Variants in CHRNA10 observed in about 807,000 individuals in gnomAD.
CHRNA10 encodes the protein cholinergic receptor nicotinic alpha 10 subunit.
A neutral mutation model predicts 36.0 loss-of-function variants in CHRNA10; 31 were observed. That is an observed-to-expected ratio of 0.86 (90% CI 0.65 to 1.16). CHRNA10 has a LOEUF of 1.16. Ranked by LOEUF, CHRNA10 falls within the 50% of genes most tolerant of loss-of-function variation. The probability of loss-of-function intolerance (pLI) is 0.00; values close to 1 mark genes in which losing one functional copy is unlikely to be tolerated. For synonymous variants in CHRNA10, 302 were observed against 287.0 expected (o/e 1.05, Z -0.53); for missense variants, 648 against 640.9 (o/e 1.01, Z -0.12).
At chr11:3,670,337 C>T (rs1487561830) in intron 1 of CHRNA10, among the ~76,000 whole-genome samples, 2 of 152,172 alleles carry the variant, frequency 1.3e-5, no homozygotes, top group African/African-American at 2.4e-5. Flanking sequence ...TTCTCCATCT[C>T]GAGCTGGTTT....
rs1469946641 is a variant in CHRNA10, at chr11:3,667,768, G to A, written c.363-4C>T. The A allele has an allele frequency of 6.7e-7, 1 of 1,502,802 alleles. No individual in the cohort carries two copies. The allele number at this position is 1,502,802 out of a possible 1,614,324, so 93.1% of individuals were successfully genotyped here. On this transcript the variant is annotated splice_polypyrimidine_tract_variant and splice_region_variant and intron_variant, in intron 3 of 4. Coordinates refer to ENST00000250699, the MANE Select transcript of CHRNA10 (RefSeq NM_020402.4). ...ACCTGGAGGCTGCGCGTCGGCTCTGGGGGCAGGCGGGGCAGGGCTCACCTA... is the reference window on the plus strand; with the variant it reads ...ACCTGGAGGCTGCGCGTCGGCTCTGAGGGCAGGCGGGGCAGGGCTCACCTA...
chr11:3,670,794 C>T (rs2672216), intron 1 of CHRNA10, among the ~76,000 whole-genome samples: 70,941 of 152,068 alleles, frequency 0.47, 18,408 homozygotes, highest in Admixed American at 0.67. Flanking sequence ...TGCGAAACAT[C>T]GTCTTGAGTC....
intron 4 of CHRNA10, among the ~76,000 whole-genome samples, chr11:3,666,779 C>T (rs1387145694): frequency 1.3e-5 from 2 of 152,130 alleles, no homozygotes; most frequent in African/African-American, 2.4e-5. Context: ...TCTAATTGCT[C>T]CCGTCACTGC....
intron 2 of CHRNA10, 82 bp from the exon 3 acceptor site, chr11:3,669,432 C>T (rs1425535079): frequency 6.6e-7 from 1 of 1,522,918 alleles, no homozygotes; most frequent in Non-Finnish European, 8.9e-7. Context: ...CTGCAGGGCT[C>T]TGGTCAGCAC....
chr11:3,667,297 G>A lies in CHRNA10; in HGVS notation c.830C>T (p.Ala277Val), dbSNP rs765656579. 2.5e-6 allele frequency: 4 copies of A among 1,598,602 alleles called. No individual in the cohort carries two copies. Among genetic ancestry groups the A allele is most frequent in the South Asian group, 2.2e-5 (2 of 90,852 alleles). The change falls in exon 4 of 5, where the codon GCG becomes GTG. Residue 277 changes from alanine to valine, a missense_variant. Physicochemically the swap from Ala to Val is moderately conservative, Grantham distance 64. Coordinates refer to ENST00000250699, the MANE Select transcript of CHRNA10 (RefSeq NM_020402.4). ...KVSLGVTVLL[A>V]LTVFQLLLAE... is the part of the protein sequence containing the mutation. Reference sequence around the variant, plus strand: ...CAGCAGCAACTGGAAGACGGTGAGCGCCAGCAGCACGGTGACGCCCAGCGA... The same window carrying A: ...CAGCAGCAACTGGAAGACGGTGAGCACCAGCAGCACGGTGACGCCCAGCGA...
chr11:3,666,028 C>T lies in CHRNA10; in HGVS notation c.*79G>A, dbSNP rs2077656629. 7.6e-7 allele frequency: 1 copy of T among 1,324,070 alleles called. No individual in the cohort carries two copies. The highest frequency in any genetic ancestry group is 1.0e-6 in the Non-Finnish European group (1 of 985,994). The allele number at this position is 1,324,070 out of a possible 1,614,324, so 82.0% of individuals were successfully genotyped here. A position where few individuals can be genotyped will look rare whatever the true frequency, so the allele number is the denominator to read the frequency against. On this transcript the variant is annotated 3_prime_UTR_variant, in exon 5 of 5. Coordinates refer to ENST00000250699, the MANE Select transcript of CHRNA10 (RefSeq NM_020402.4). ...GGGGAGAGACTGGCTGGCCCAAAGACCAGCAACCACTTGGCCGTGGCTGTC... is the reference window on the plus strand; with the variant it reads ...GGGGAGAGACTGGCTGGCCCAAAGATCAGCAACCACTTGGCCGTGGCTGTC...
intron 3 of CHRNA10, among the ~76,000 whole-genome samples, chr11:3,668,304 G>A (rs1164148995): frequency 6.6e-6 from 1 of 152,126 alleles, no homozygotes; most frequent in Non-Finnish European, 1.5e-5. Context: ...ACGAGGTCAG[G>A]AGATCGAGAC....
chr11:3,667,413 G>T lies in CHRNA10; in HGVS notation c.714C>A (p.Ala238=). The T allele has an allele frequency of 6.3e-7, 1 of 1,598,744 alleles. No individual in the cohort carries two copies. The highest frequency in any genetic ancestry group is 8.5e-7 in the Non-Finnish European group (1 of 1,177,136). The part of the protein sequence containing the change: ...FTLLLRRRAA[A]YVCNLLLPCV... ...AGGGCAGCAGCAGGTTGCACACGTAGGCGGCGGCGCGGCGGCGCAGCAGCA... is the reference window on the plus strand; with the variant it reads ...AGGGCAGCAGCAGGTTGCACACGTATGCGGCGGCGCGGCGGCGCAGCAGCA... Residue 238 remains alanine, a synonymous_variant, in exon 4 of 5, where the codon GCC becomes GCA. Transcript: ENST00000250699.
chr11:3,671,335 G>A lies in CHRNA10; in HGVS notation c.-23C>T, dbSNP rs1313938940. 1.2e-6 allele frequency: 2 copies of A among 1,613,578 alleles called. No homozygotes were observed. Among genetic ancestry groups the A allele is most frequent in the Non-Finnish European group, 8.5e-7 (1 of 1,179,656 alleles). On this transcript the variant is annotated 5_prime_UTR_variant, in exon 1 of 5. Coordinates refer to ENST00000250699, the MANE Select transcript of CHRNA10 (RefSeq NM_020402.4). The stretch of plus-strand genomic sequence containing the variant: ...CATGGCCCTGGCACTGCAAGAGCGG[G>A]GGCAGGTCTCTGGATGTGAGGCCTC...
intron 3 of CHRNA10, among the ~76,000 whole-genome samples, chr11:3,668,279 C>T (rs575134036): frequency 6.6e-6 from 1 of 152,038 alleles, no homozygotes; most frequent in African/African-American, 2.4e-5. Flanking sequence ...TTTGGGAGGC[C>T]GAGGTGGGCG....
intron 1 of CHRNA10, among the ~76,000 whole-genome samples, chr11:3,670,419 A>T (rs2672215): frequency 6.6e-6 from 1 of 151,864 alleles, no homozygotes; most frequent in Non-Finnish European, 1.5e-5. Context: ...TACTGACACA[A>T]ATTTTCCTCA....
In CHRNA10 at chr11:3,667,772, C is replaced by T; in HGVS notation, c.363-8G>A. ...GGAGGCTGCGCGTCGGCTCTGGGGGCAGGCGGGGCAGGGCTCACCTAGGCT... is the reference window on the plus strand; with the variant it reads ...GGAGGCTGCGCGTCGGCTCTGGGGGTAGGCGGGGCAGGGCTCACCTAGGCT... On this transcript the variant is annotated splice_polypyrimidine_tract_variant and splice_region_variant and intron_variant, in intron 3 of 4. Coordinates refer to ENST00000250699, the MANE Select transcript of CHRNA10 (RefSeq NM_020402.4). 1.3e-6 allele frequency: 2 copies of T among 1,502,376 alleles called. No individual in the cohort carries two copies. The highest frequency in any genetic ancestry group is 1.8e-6 in the Non-Finnish European group (2 of 1,133,194). 93.1% of individuals were successfully genotyped at this position (1,502,376 alleles called of 1,614,324 possible).
In CHRNA10 at chr11:3,665,999, C is replaced by T. The variant is rs969609816; in HGVS notation, c.*108G>A. The T allele has an allele frequency of 6.4e-5, 56 of 880,336 alleles. No homozygotes were observed. The highest frequency in any genetic ancestry group is 2.5e-4 in the Admixed American group (8 of 32,334). 54.5% of individuals were successfully genotyped at this position (880,336 alleles called of 1,614,324 possible). On this transcript the variant is annotated 3_prime_UTR_variant, in exon 5 of 5. Transcript: ENST00000250699. ...GTCAAGTGTCTCAGGATCTTAGGAG[C>T]AGTGGGGAGAGACTGGCTGGCCCAA...
rs201153030 is a variant in CHRNA10, at chr11:3,667,513, A to C, written c.614T>G (p.Leu205Arg). Residue 205 changes from leucine (L) to arginine (R), a missense_variant, in exon 4 of 5, where the codon CTG becomes CGG. Coordinates refer to ENST00000250699, the MANE Select transcript of CHRNA10 (RefSeq NM_020402.4). ...CACGCGCCGCCGCGCCGGCATGCCC[A>C]GCACGCGCCACTCCACGTTCTCCAC... ...DFVENVEWRV[L>R]GMPARRRVLT... 2 of 1,583,926 alleles carry C rather than the reference A, an allele frequency of 1.3e-6. No homozygotes were observed. Among genetic ancestry groups the C allele is most frequent in the Non-Finnish European group, 1.7e-6 (2 of 1,172,244 alleles).
rs2077702326 is a variant in CHRNA10, at chr11:3,669,987, A to T, written c.62-46T>A. The T allele has an allele frequency of 1.9e-6, 3 of 1,610,886 alleles. No individual in the cohort carries two copies. The East Asian group carries it at 6.7e-5, about 36-fold the overall frequency. On this transcript the variant is annotated intron_variant, in intron 1 of 4. Transcript: ENST00000250699. ...GTTGTCCATCCCAGGCCCTAGTCCCAGGGCCTCTGCTCACACCCTCCACTC... is the reference window on the plus strand; with the variant it reads ...GTTGTCCATCCCAGGCCCTAGTCCCTGGGCCTCTGCTCACACCCTCCACTC...
At position 3,669,633 on chromosome 11, in the gene CHRNA10, A is replaced by T. The variant is rs11028916; in HGVS notation, c.207+163T>A. The T allele has an allele frequency of 8.8e-5, 84 of 953,620 alleles. No individual in the cohort carries two copies. The African/African-American group carries it at 1.1e-3, about 13-fold the overall frequency. 59.1% of individuals were successfully genotyped at this position (953,620 alleles called of 1,614,324 possible). A position where few individuals can be genotyped will look rare whatever the true frequency, so the allele number is the denominator to read the frequency against. On this transcript the variant is annotated intron_variant, in intron 2 of 4. Transcript: ENST00000250699. ...GGCACGAGGTAGGCACCCAATACTCAGTACCCAACAGTCAGTACCCAACAG... is the reference window on the plus strand; with the variant it reads ...GGCACGAGGTAGGCACCCAATACTCTGTACCCAACAGTCAGTACCCAACAG...
intron 1 of CHRNA10, 75 bp from the exon 2 acceptor site, chr11:3,670,016 G>A: frequency 6.4e-7 from 1 of 1,554,290 alleles, no homozygotes; most frequent in South Asian, 1.1e-5. Context: ...TCCACTCCCA[G>A]GGCTGGGGCC....
chr11:3,668,437 C>A (rs913901165), intron 3 of CHRNA10: 6 of 152,172 alleles, frequency 3.9e-5, no homozygotes, highest in Admixed American at 3.9e-4. Context: ...TGCGTGAACC[C>A]GGGAGGCGGA....
intron 1 of CHRNA10, among the ~76,000 whole-genome samples, chr11:3,670,521 A>G (rs1298490613): frequency 2.6e-5 from 4 of 152,048 alleles, no homozygotes; most frequent in Admixed American, 6.5e-5. Context: ...CCAGACCCCA[A>G]TAGAGTACAG....
Sources: gnomAD v4.1 joint callset for allele counts (sites outside exome capture counted in the v4.1 genomes callset) on GRCh38, gnomAD v4.1.1 for gene constraint, MANE v1.5 for transcripts, NCBI Gene and HGNC (gene_info 2026-07-23, HGNC 2026-07-21) for gene names.